WDR72: variants seen among roughly 807,000 people sequenced by gnomAD.
The protein encoded by WDR72 is WD repeat-containing protein 72.
Under a neutral mutation model 124.2 loss-of-function variants are expected in WDR72, and 120 were observed. The observed-to-expected ratio is 0.97, with a 90% CI of 0.83 to 1.12. The LOEUF is 1.12. WDR72 is among the 50% of genes most tolerant of loss of function. The pLI, the probability that WDR72 is intolerant of heterozygous loss-of-function variation, is 0.00. For missense variants in WDR72, 1,387 were observed against 1,278.8 expected, an observed-to-expected ratio of 1.08 and a Z score of -1.29; for synonymous variants, 452 against 441.7, an observed-to-expected ratio of 1.02 and a Z score of -0.29.
At chr15:53,562,341 C>T (rs1050465724) in intron 18 of WDR72, among the ~76,000 whole-genome samples, 16 of 151,680 alleles carry the variant, frequency 1.1e-4, no homozygotes, top group Non-Finnish European at 1.9e-4. Flanking sequence ...TTTCTTAATT[C>T]CTGGCTTTGG....
chr15:53,637,652 T>C (rs2014674651), intron 14 of WDR72, among the ~76,000 whole-genome samples: 2 of 152,116 alleles, frequency 1.3e-5, no homozygotes, highest in South Asian at 2.1e-4. Context: ...CATTTCCAAG[T>C]GTGTGCTTTT....
chr15:53,735,301 C>A (rs2018321143), intron 1 of WDR72, among the ~76,000 whole-genome samples: 1 of 151,970 alleles, frequency 6.6e-6, no homozygotes. Flanking sequence ...AAAAAAAGAC[C>A]ATGACAAGTA....
rs78297469 is a variant in WDR72 at position 53,614,276 on chromosome 15, G to A, written c.2781-519C>T. Among the ~76,000 whole-genome samples the A allele has an allele frequency of 9.4e-3, 1,431 of 152,146 alleles. 31 individuals are homozygous for A. Among genetic ancestry groups the A allele is most frequent in the African/African-American group, 0.033 (1,379 of 41,528 alleles). ...ATATAGTTAAATCATGTGCCCAGGT[G>A]TTAAGCACACAAGGATTTCTCAACC... On this transcript the variant is annotated intron_variant, in intron 15 of 19. Transcript: ENST00000360509.
chr15:53,756,721 A>G (rs1374133401), intron 1 of WDR72: 1 of 152,230 alleles, frequency 6.6e-6, no homozygotes, highest in African/African-American at 2.4e-5. Flanking sequence ...TCACTGCTTC[A>G]TGCGGTCCTC....
At chr15:53,646,128 A>G (rs2015033063) in intron 14 of WDR72, among the ~76,000 whole-genome samples, 1 of 152,092 alleles carries the variant, frequency 6.6e-6, no homozygotes, top group Non-Finnish European at 1.5e-5. Flanking sequence ...CTGTATGTCT[A>G]TTTTTTAATG....
intron 14 of WDR72, among the ~76,000 whole-genome samples, chr15:53,625,862 A>G (rs935634429): frequency 6.6e-6 from 1 of 151,952 alleles, no homozygotes; most frequent in African/African-American, 2.4e-5. Context: ...AAGAACAAAG[A>G]AGTGTACTGA....
chr15:53,681,708 C>T (rs77804730), intron 13 of WDR72, among the ~76,000 whole-genome samples: 2,095 of 152,186 alleles, frequency 0.014, 54 homozygotes, highest in African/African-American at 0.048. Context: ...TATTGATTTT[C>T]CTATTTGTTT....
chr15:53,686,921 T>A (rs1448923808), intron 13 of WDR72, among the ~76,000 whole-genome samples: 2 of 151,516 alleles, frequency 1.3e-5, no homozygotes, highest in Non-Finnish European at 2.9e-5. Flanking sequence ...TCAAAACCAC[T>A]CAAATACATG....
intron 2 of WDR72, among the ~76,000 whole-genome samples, chr15:53,731,220 G>T (rs1047711669): frequency 6.6e-6 from 1 of 151,884 alleles, no homozygotes; most frequent in African/African-American, 2.4e-5. Flanking sequence ...CCACGCCTAG[G>T]CCCGTCTTCC....
chr15:53,635,157 C>T (rs1403784234), intron 14 of WDR72, among the ~76,000 whole-genome samples: 1 of 152,178 alleles, frequency 6.6e-6, no homozygotes, highest in African/African-American at 2.4e-5. Flanking sequence ...GTGAGAAGCA[C>T]CTAGGGTAGA....
intron 15 of WDR72, among the ~76,000 whole-genome samples, chr15:53,614,924 AT>A (rs1294526690): frequency 6.6e-6 from 1 of 152,066 alleles, no homozygotes; most frequent in African/African-American, 2.4e-5. Context: ...ATTTTATTCT[AT>A]TTTAATATGC....
At chr15:53,584,752 T>C (rs1595775453) in intron 18 of WDR72, among the ~76,000 whole-genome samples, 1 of 152,080 alleles carries the variant, frequency 6.6e-6, no homozygotes, top group Non-Finnish European at 1.5e-5. Flanking sequence ...AGTATCCCCA[T>C]TCCCATGTCC....
chr15:53,727,578 A>C (rs2018078513), intron 2 of WDR72, among the ~76,000 whole-genome samples: 1 of 152,196 alleles, frequency 6.6e-6, no homozygotes, highest in South Asian at 2.1e-4. Context: ...TCCATCTCAG[A>C]GAACAACATA....
At chr15:53,696,210 G>A (rs1466197078) in intron 13 of WDR72, among the ~76,000 whole-genome samples, 1 of 152,166 alleles carries the variant, frequency 6.6e-6, no homozygotes, top group Non-Finnish European at 1.5e-5. Context: ...AGTAGGAATA[G>A]GTCTGTCCAC....
At chr15:53,557,004 A>C (rs980287764) in intron 18 of WDR72, among the ~76,000 whole-genome samples, 1 of 152,286 alleles carries the variant, frequency 6.6e-6, no homozygotes, top group Middle Eastern at 3.4e-3. Flanking sequence ...CAGATAAAAA[A>C]GGAAAGATGA....
rs1891403704 is a variant in WDR72 at position 53,515,340 on chromosome 15, TACGTGGTCTATCCAGTTA to T, written c.*2341_*2358del. ...GTACCAAGTGGTTATGATCACCACG[TACGTGGTCTATCCAGTTA>T]ACTGTGTGGCAATTTGCTATTTCAA... is the stretch of plus-strand genomic sequence containing the variant. On this transcript the variant is annotated 3_prime_UTR_variant, in exon 20 of 20. Coordinates refer to ENST00000360509, the MANE Select transcript of WDR72 (RefSeq NM_182758.4). 1 of 152,064 alleles carries T rather than the reference TACGTGGTCTATCCAGTTA, an allele frequency of 6.6e-6. No homozygotes were observed. Among genetic ancestry groups the T allele is most frequent in the African/African-American group, 2.4e-5 (1 of 41,444 alleles). The allele number at this position is 152,064 out of a possible 1,614,324, so 9.4% of individuals were successfully genotyped here.
chr15:53,559,289 T>C (rs761078812), intron 18 of WDR72, among the ~76,000 whole-genome samples: 109 of 151,988 alleles, frequency 7.2e-4, no homozygotes, highest in Non-Finnish European at 2.1e-4. Flanking sequence ...ACTGTAATGA[T>C]GATACACATG....
intron 6 of WDR72, among the ~76,000 whole-genome samples, chr15:53,713,941 G>C (rs949343561): frequency 6.6e-6 from 1 of 152,038 alleles, no homozygotes; most frequent in African/African-American, 2.4e-5. Flanking sequence ...AACTCCTTGG[G>C]GAAGCCTAAA....
intron 14 of WDR72, among the ~76,000 whole-genome samples, chr15:53,629,702 G>C (rs2014347729): frequency 6.6e-6 from 1 of 152,138 alleles, no homozygotes; most frequent in Admixed American, 6.5e-5. Flanking sequence ...GGCTGGATGT[G>C]AGTAAAAACA....
Sources: allele counts gnomAD v4.1 joint callset (sites outside exome capture counted in the v4.1 genomes callset), GRCh38; gene constraint gnomAD v4.1.1; transcripts MANE v1.5; gene names NCBI Gene and HGNC (gene_info 2026-07-23, HGNC 2026-07-21).